Variants in USH2A observed in about 807,000 individuals in gnomAD.
USH2A encodes usherin.
Under a neutral mutation model 538.9 loss-of-function variants are expected in USH2A, and 443 were observed. The observed-to-expected ratio is 0.82, with a 90% CI of 0.76 to 0.89. The LOEUF is 0.89. Ranked by LOEUF, USH2A falls within the 40% of genes least tolerant of loss-of-function variation. The pLI, the probability that USH2A is intolerant of heterozygous loss-of-function variation, is 0.00. For missense variants in USH2A, 6,633 were observed against 6,324.8 expected, an observed-to-expected ratio of 1.05 and a Z score of -1.65; for synonymous variants, 2,413 against 2,273.5, an observed-to-expected ratio of 1.06 and a Z score of -1.75.
chr1:216,195,566 G>A (rs1371152440), intron 19 of USH2A, among the ~76,000 whole-genome samples: 1 of 151,934 alleles, frequency 6.6e-6, no homozygotes, highest in Non-Finnish European at 1.5e-5. Context: ...AAAGAGACGT[G>A]TCTCAAGGTA....
chr1:215,910,263 T>C (rs1349535922), intron 38 of USH2A, among the ~76,000 whole-genome samples: 1 of 152,014 alleles, frequency 6.6e-6, no homozygotes, highest in Non-Finnish European at 1.5e-5. Flanking sequence ...TTTAACTTAA[T>C]TAGCTGATTA....
In USH2A at chr1:216,305,571, C is replaced by CT. The variant is rs59954061; in HGVS notation, c.1645-13202dup. Among the ~76,000 whole-genome samples, 30 of 150,240 alleles carry CT rather than the reference C, an allele frequency of 2.0e-4. 1 individual carries two copies. The highest frequency in any genetic ancestry group is 1.2e-4 in the Non-Finnish European group (8 of 67,580). ...CATCATGCTATTTGTTGCCTGAATG[C>CT]TTTTTTTTAAATTGTGTTTTTTTTT... On this transcript the variant is annotated intron_variant, in intron 9 of 71. Coordinates refer to ENST00000307340, the MANE Select transcript of USH2A (RefSeq NM_206933.4).
chr1:215,643,278 G>A (rs112666905), intron 67 of USH2A, among the ~76,000 whole-genome samples: 1,565 of 152,242 alleles, frequency 0.01, 12 homozygotes, highest in African/African-American at 0.015. Context: ...GATTACAGGC[G>A]TGAGACACCA....
chr1:216,250,241 G>A (rs1405803403), intron 12 of USH2A, among the ~76,000 whole-genome samples: 2 of 151,928 alleles, frequency 1.3e-5, no homozygotes, highest in Non-Finnish European at 2.9e-5. Flanking sequence ...AAATACCTGT[G>A]GGAGTAACAA....
intron 4 of USH2A, among the ~76,000 whole-genome samples, chr1:216,357,541 A>G (rs1026405580): frequency 1.3e-5 from 2 of 152,150 alleles, no homozygotes; most frequent in Non-Finnish European, 2.9e-5. Context: ...AAACACAGAA[A>G]GGAAGGCAAG....
intron 61 of USH2A, among the ~76,000 whole-genome samples, chr1:215,719,094 GT>G (rs1659577773): frequency 1.3e-5 from 2 of 152,142 alleles, no homozygotes; most frequent in Non-Finnish European, 2.9e-5. Context: ...GGGGAAGTAG[GT>G]AGATGCCAAT....
intron 49 of USH2A, among the ~76,000 whole-genome samples, chr1:215,804,514 A>C (rs200302692): frequency 0.042 from 5,608 of 134,386 alleles, 232 homozygotes; most frequent in African/African-American, 0.076. Context: ...ATTTATGCAG[A>C]CAAAAGATAC....
At chr1:216,374,577 G>A (rs1050797075) in intron 3 of USH2A, among the ~76,000 whole-genome samples, 1 of 152,030 alleles carries the variant, frequency 6.6e-6, no homozygotes, top group Non-Finnish European at 1.5e-5. Flanking sequence ...CAAACATTTT[G>A]CGAGCAGATA....
At position 216,252,056 on chromosome 1, in the gene USH2A, G is replaced by A. The variant is rs150170409; in HGVS notation, c.1972-958C>T. ...TTCCAAAAATGTTTCTTGTTTTAAAGCATTTTAAAGCAAAATAACAGCTAA... is the reference window on the plus strand; with the variant it reads ...TTCCAAAAATGTTTCTTGTTTTAAAACATTTTAAAGCAAAATAACAGCTAA... On this transcript the variant is annotated intron_variant, in intron 11 of 71. Coordinates refer to ENST00000307340, the MANE Select transcript of USH2A (RefSeq NM_206933.4). Among the ~76,000 whole-genome samples the A allele has an allele frequency of 2.8e-3, 421 of 152,168 alleles. 1 individual carries two copies. Among genetic ancestry groups the A allele is most frequent in the Non-Finnish European group, 4.3e-3 (295 of 67,994 alleles).
At chr1:215,932,446 A>G (rs1666388789) in intron 38 of USH2A, among the ~76,000 whole-genome samples, 1 of 152,054 alleles carries the variant, frequency 6.6e-6, no homozygotes, top group African/African-American at 2.4e-5. Flanking sequence ...TCAGGATAAT[A>G]TGTTTTCAGA....
intron 21 of USH2A, among the ~76,000 whole-genome samples, chr1:216,146,479 C>A (rs953953764): frequency 2.0e-5 from 3 of 152,200 alleles, no homozygotes; most frequent in Non-Finnish European, 2.9e-5. Context: ...CGCAGGGACA[C>A]CTGCCTTGGT....
At chr1:215,904,060 G>A (rs1344821978) in intron 38 of USH2A, among the ~76,000 whole-genome samples, 1 of 151,844 alleles carries the variant, frequency 6.6e-6, no homozygotes, top group Non-Finnish European at 1.5e-5. Context: ...GAAAACACAG[G>A]CAAAAAATAA....
chr1:215,749,542 T>C (rs1231008663), intron 58 of USH2A, among the ~76,000 whole-genome samples: 2 of 152,202 alleles, frequency 1.3e-5, no homozygotes, highest in African/African-American at 4.8e-5. Context: ...CGAAAGTCTC[T>C]GGTGTTCCTA....
At chr1:216,261,481 C>G (rs1028561109) in intron 11 of USH2A, among the ~76,000 whole-genome samples, 2 of 145,002 alleles carry the variant, frequency 1.4e-5, no homozygotes, top group African/African-American at 5.0e-5. Flanking sequence ...AAAAAAATCT[C>G]AACTAAAAGA....
chr1:215,766,656 C>G (rs780362048), intron 56 of USH2A, 25 bp downstream of exon 56: 1 of 1,602,978 alleles, frequency 6.2e-7, no homozygotes, highest in South Asian at 1.1e-5. Context: ...TTTCTTCCCT[C>G]AAACCATGGA....
At chr1:215,809,301 G>A (rs1662592024) in intron 49 of USH2A, among the ~76,000 whole-genome samples, 1 of 152,140 alleles carries the variant, frequency 6.6e-6, no homozygotes, top group African/African-American at 2.4e-5. Context: ...GGTGAGCTTA[G>A]AGGAAACATA....
chr1:216,177,248 T>C (rs1437369402), intron 20 of USH2A, among the ~76,000 whole-genome samples: 1 of 152,200 alleles, frequency 6.6e-6, no homozygotes, highest in Non-Finnish European at 1.5e-5. Context: ...TTCCAGATTT[T>C]GGCCATTCTA....
chr1:216,080,574 C>T (rs2031909637), intron 26 of USH2A, among the ~76,000 whole-genome samples: 1 of 151,800 alleles, frequency 6.6e-6, no homozygotes, highest in African/African-American at 2.4e-5. Flanking sequence ...TTTCAATGCA[C>T]TTGACCATGA....
At chr1:215,919,263 ATCT>A (rs1408750291) in intron 38 of USH2A, among the ~76,000 whole-genome samples, 1 of 152,106 alleles carries the variant, frequency 6.6e-6, no homozygotes, top group Non-Finnish European at 1.5e-5. Context: ...CTGCTGCCTA[ATCT>A]TCTCACATAG....
Sources: allele counts gnomAD v4.1 joint callset (sites outside exome capture counted in the v4.1 genomes callset), GRCh38; gene constraint gnomAD v4.1.1; transcripts MANE v1.5; gene names NCBI Gene and HGNC (gene_info 2026-07-23, HGNC 2026-07-21).